The following TRIM44 variants were observed in gnomAD, a reference collection of about 807,000 sequenced individuals.
TRIM44 encodes tripartite motif containing 44.
Under a neutral mutation model 37.4 loss-of-function variants are expected in TRIM44, and 13 were observed. That is an observed-to-expected ratio of 0.35 (90% CI 0.23 to 0.55). The LOEUF (loss-of-function observed/expected upper bound fraction) is 0.55. Ranked by LOEUF, TRIM44 falls within the 20% of genes least tolerant of loss-of-function variation. The pLI, the probability that TRIM44 is intolerant of heterozygous loss-of-function variation, is 0.89. For synonymous variants in TRIM44, 175 were observed against 157.2 expected (o/e 1.11, Z -0.85); for missense variants, 426 against 437.2 (o/e 0.97, Z 0.23).
chr11:35,682,247 G>A (rs1851528535), intron 1 of TRIM44, among the ~76,000 whole-genome samples: 1 of 152,144 alleles, frequency 6.6e-6, no homozygotes, highest in Admixed American at 6.5e-5. Flanking sequence ...CCGTCTGCCT[G>A]AAGATGGACC....
intron 4 of TRIM44, among the ~76,000 whole-genome samples, chr11:35,772,558 G>A (rs1852888181): frequency 6.6e-6 from 1 of 152,190 alleles, no homozygotes; most frequent in Admixed American, 6.5e-5. Flanking sequence ...TTTGAGACAT[G>A]GCATCAAAGG....
At chr11:35,776,805 C>G (rs1405594037) in intron 4 of TRIM44, among the ~76,000 whole-genome samples, 1 of 152,216 alleles carries the variant, frequency 6.6e-6, no homozygotes, top group Non-Finnish European at 1.5e-5. Flanking sequence ...TTTGATTGCA[C>G]TGTGGTCTGA....
chr11:35,692,784 A>G (rs777731690), intron 2 of TRIM44, among the ~76,000 whole-genome samples: 13 of 152,002 alleles, frequency 8.6e-5, no homozygotes, highest in Non-Finnish European at 1.0e-4. Flanking sequence ...TTAGCCAGGC[A>G]TGGTGGTGGG....
intron 2 of TRIM44, among the ~76,000 whole-genome samples, chr11:35,718,883 CTT>C (rs60798593): frequency 0.17 from 24,144 of 143,198 alleles, 2,183 homozygotes; most frequent in Admixed American, 0.31. Flanking sequence ...GACCTGATAG[CTT>C]TTTTTTTTTC....
At chr11:35,667,564 T>C (rs928876330) in intron 1 of TRIM44, among the ~76,000 whole-genome samples, 13 of 152,056 alleles carry the variant, frequency 8.5e-5, no homozygotes, top group African/African-American at 2.9e-4. Flanking sequence ...TAGAGATGGG[T>C]GTCTTGCTAT....
At position 35,671,918 on chromosome 11, in the gene TRIM44, T is replaced by C. The variant is rs139507644; in HGVS notation, c.669+8138T>C. Reference sequence around the variant, plus strand: ...AAAAATAGTTATGCAGCCCAATTTATGACTTCTTACCTGAGTCATGACTTG... The same window carrying C: ...AAAAATAGTTATGCAGCCCAATTTACGACTTCTTACCTGAGTCATGACTTG... On this transcript the variant is annotated intron_variant, in intron 1 of 4. Coordinates refer to ENST00000299413, the MANE Select transcript of TRIM44 (RefSeq NM_017583.6). Among the ~76,000 whole-genome samples, 10 of 152,312 alleles carry C rather than the reference T, an allele frequency of 6.6e-5. No homozygotes were observed. In the East Asian group the frequency reaches 1.7e-3, roughly 26 times the overall value.
At chr11:35,702,458 G>T (rs916499955) in intron 2 of TRIM44, among the ~76,000 whole-genome samples, 4 of 152,154 alleles carry the variant, frequency 2.6e-5, no homozygotes, top group Admixed American at 2.6e-4. Flanking sequence ...GCCTATGAAC[G>T]GAATCTGCCG....
At chr11:35,742,642 A>G (rs112020760) in intron 4 of TRIM44, among the ~76,000 whole-genome samples, 1 of 132,378 alleles carries the variant, frequency 7.6e-6, no homozygotes, top group African/African-American at 2.9e-5. Flanking sequence ...ATATAATTAT[A>G]TTAATTGTAT....
chr11:35,769,160 G>A (rs748865933), intron 4 of TRIM44, among the ~76,000 whole-genome samples: 13 of 152,156 alleles, frequency 8.5e-5, no homozygotes, highest in Non-Finnish European at 1.8e-4. Context: ...TTACCTGTCA[G>A]GCTCAGTAAG....
intron 4 of TRIM44, among the ~76,000 whole-genome samples, chr11:35,745,177 A>G (rs1284621588): frequency 2.6e-5 from 4 of 151,882 alleles, no homozygotes; most frequent in Non-Finnish European, 5.9e-5. Context: ...AGTAATTTAC[A>G]CTCCCACCAA....
At chr11:35,744,215 C>T (rs1213555212) in intron 4 of TRIM44, among the ~76,000 whole-genome samples, 1 of 152,080 alleles carries the variant, frequency 6.6e-6, no homozygotes, top group Non-Finnish European at 1.5e-5. Context: ...ACAGAACACC[C>T]TTTTTAACTG....
At chr11:35,788,415 G>A (rs1003383162) in intron 4 of TRIM44, among the ~76,000 whole-genome samples, 2 of 152,168 alleles carry the variant, frequency 1.3e-5, no homozygotes, top group African/African-American at 2.4e-5. Flanking sequence ...AAAGGGAGGG[G>A]TAGGGGACAT....
intron 4 of TRIM44, among the ~76,000 whole-genome samples, chr11:35,769,509 TA>T (rs138283999): frequency 0.01 from 1,565 of 152,332 alleles, 27 homozygotes; most frequent in African/African-American, 0.036. Context: ...GTTCAGGACT[TA>T]TTAGAATGTG....
At chr11:35,715,319 G>T (rs1381589173) in intron 2 of TRIM44, among the ~76,000 whole-genome samples, 1 of 152,016 alleles carries the variant, frequency 6.6e-6, no homozygotes, top group Admixed American at 6.6e-5. Flanking sequence ...GAGCACAGTT[G>T]CTGTGTACTT....
chr11:35,693,529 T>C (rs961259385), intron 2 of TRIM44, among the ~76,000 whole-genome samples: 17 of 152,166 alleles, frequency 1.1e-4, no homozygotes, highest in Non-Finnish European at 2.2e-4. Context: ...CTAGGATCTA[T>C]GTTTCTTTAA....
At chr11:35,703,307 G>A (rs1851821843) in intron 2 of TRIM44, among the ~76,000 whole-genome samples, 1 of 152,244 alleles carries the variant, frequency 6.6e-6, no homozygotes, top group Non-Finnish European at 1.5e-5. Context: ...GCCTGCCTCT[G>A]TAGGCTCCAC....
At chr11:35,772,948 A>C (rs1275988947) in intron 4 of TRIM44, among the ~76,000 whole-genome samples, 1 of 152,090 alleles carries the variant, frequency 6.6e-6, no homozygotes, top group African/African-American at 2.4e-5. Flanking sequence ...TCCCCATGCA[A>C]ATCTCATCTT....
At chr11:35,728,869 C>G (rs975586068) in intron 3 of TRIM44, among the ~76,000 whole-genome samples, 1 of 152,152 alleles carries the variant, frequency 6.6e-6, no homozygotes, top group Admixed American at 6.5e-5. Context: ...TCTTTTCAAC[C>G]TTCCACTCAC....
At chr11:35,789,697 G>A (rs930288439) in intron 4 of TRIM44, among the ~76,000 whole-genome samples, 11 of 152,124 alleles carry the variant, frequency 7.2e-5, no homozygotes, top group Admixed American at 4.6e-4. Context: ...CAGTTAAGCC[G>A]TCTTAGAGGG....
Sources: allele counts gnomAD v4.1 joint callset (sites outside exome capture counted in the v4.1 genomes callset), GRCh38; gene constraint gnomAD v4.1.1; transcripts MANE v1.5; gene names NCBI Gene and HGNC (gene_info 2026-07-23, HGNC 2026-07-21).